CHRM2: variants seen among roughly 807,000 people sequenced by gnomAD.
CHRM2 encodes cholinergic receptor muscarinic 2.
In CHRM2, 8 loss-of-function variants were observed where a neutral mutation model predicts 25.0. That is an observed-to-expected ratio of 0.32 (90% CI 0.19 to 0.58). The LOEUF (loss-of-function observed/expected upper bound fraction) is 0.58. CHRM2 is among the 20% of genes least tolerant of loss of function. CHRM2 has a pLI of 0.88. For synonymous variants in CHRM2, 202 were observed against 205.7 expected (o/e 0.98, Z 0.15); for missense variants, 440 against 567.1 (o/e 0.78, Z 2.28).
At chr7:136,903,346 T>A in intron 2 of CHRM2, 1 of 416,640 alleles carries the variant, frequency 2.4e-6, no homozygotes, top group East Asian at 7.5e-5. Flanking sequence ...TATGTGCAAA[T>A]CTCCTTCAAA....
At chr7:136,903,020 C>A in intron 2 of CHRM2, 1 of 476,440 alleles carries the variant, frequency 2.1e-6, no homozygotes, top group Non-Finnish European at 4.1e-6. Context: ...TTATGGCCAG[C>A]AACTTTAAAC....
rs1330045823 is a variant in CHRM2, at chr7:137,020,084, T to C, written c.*3818T>C. 1 of 151,816 alleles carries C rather than the reference T, an allele frequency of 6.6e-6. No homozygotes were observed. Among genetic ancestry groups the C allele is most frequent in the Non-Finnish European group, 1.5e-5 (1 of 67,894 alleles). The allele number at this position is 151,816 out of a possible 1,614,324, so 9.4% of individuals were successfully genotyped here. ...TATTCAATACCATGCCTCTTAAAAA[T>C]GCTTCTCTTAAAGGGTGCACGCTGT... On this transcript the variant is annotated 3_prime_UTR_variant, in exon 4 of 4. Coordinates refer to ENST00000680005, the MANE Select transcript of CHRM2 (RefSeq NM_001006630.2).
intron 2 of CHRM2, among the ~76,000 whole-genome samples, chr7:136,898,151 T>C (rs1220390479): frequency 2.0e-5 from 3 of 152,144 alleles, no homozygotes; most frequent in East Asian, 1.9e-4. Flanking sequence ...ACAATTAGCA[T>C]TGCAAATTAT....
intron 2 of CHRM2, among the ~76,000 whole-genome samples, chr7:136,939,932 C>G (rs1051999727): frequency 2.0e-5 from 3 of 152,156 alleles, no homozygotes; most frequent in African/African-American, 7.2e-5. Context: ...AGTCTAGGAA[C>G]AGCTTACTAG....
intron 3 of CHRM2, among the ~76,000 whole-genome samples, chr7:137,013,085 T>C (rs1648666348): frequency 6.6e-6 from 1 of 152,026 alleles, no homozygotes; most frequent in African/African-American, 2.4e-5. Flanking sequence ...TCATCTTTCA[T>C]CTTTCCTTTT....
intron 2 of CHRM2, among the ~76,000 whole-genome samples, chr7:136,930,814 G>C (rs1160012544): frequency 6.7e-6 from 1 of 149,080 alleles, no homozygotes; most frequent in East Asian, 2.0e-4. Context: ...GGAGAATGGC[G>C]TGAACCTGGG....
intron 2 of CHRM2, chr7:136,870,253 C>A (rs562848785): frequency 6.6e-6 from 1 of 152,522 alleles, no homozygotes; most frequent in South Asian, 2.1e-4. Context: ...CCCCTCCCCG[C>A]CCGCAATGTC....
chr7:136,945,457 G>A (rs1262787769), intron 2 of CHRM2, among the ~76,000 whole-genome samples: 1 of 152,056 alleles, frequency 6.6e-6, no homozygotes, highest in African/African-American at 2.4e-5. Flanking sequence ...TGGCTTGCCA[G>A]TTATCCCAGC....
chr7:137,005,364 T>G (rs1433695132), intron 3 of CHRM2, among the ~76,000 whole-genome samples: 2 of 152,170 alleles, frequency 1.3e-5, no homozygotes, highest in Non-Finnish European at 2.9e-5. Context: ...TAAGTATAAC[T>G]AAGTGTCCTT....
intron 2 of CHRM2, among the ~76,000 whole-genome samples, chr7:136,920,732 A>G (rs1798382614): frequency 6.6e-6 from 1 of 152,170 alleles, no homozygotes; most frequent in African/African-American, 2.4e-5. Flanking sequence ...TTCTCAAAGC[A>G]TAAGCTCAAA....
At chr7:136,921,290 A>G (rs940707067) in intron 2 of CHRM2, among the ~76,000 whole-genome samples, 12 of 151,998 alleles carry the variant, frequency 7.9e-5, no homozygotes, top group Admixed American at 6.6e-4. Flanking sequence ...AAGTGTCCAC[A>G]CCTATAGTAA....
At chr7:136,911,286 CA>C (rs1797830059) in intron 2 of CHRM2, among the ~76,000 whole-genome samples, 1 of 151,466 alleles carries the variant, frequency 6.6e-6, no homozygotes, top group Admixed American at 6.6e-5. Flanking sequence ...ATCATAGCAC[CA>C]AAAAGAACAA....
chr7:136,886,240 TG>T (rs1201852455), intron 2 of CHRM2, among the ~76,000 whole-genome samples: 20 of 152,230 alleles, frequency 1.3e-4, no homozygotes, highest in Admixed American at 6.5e-4. Context: ...TAGTACCTTG[TG>T]GTAAGGAAGT....
intron 2 of CHRM2, among the ~76,000 whole-genome samples, chr7:136,933,066 T>A (rs1373397917): frequency 6.7e-6 from 1 of 148,992 alleles, no homozygotes; most frequent in African/African-American, 2.6e-5. Context: ...AAATAAATAA[T>A]TTTTTTAAAT....
At chr7:136,923,658 T>C (rs936991694) in intron 2 of CHRM2, among the ~76,000 whole-genome samples, 4 of 152,204 alleles carry the variant, frequency 2.6e-5, no homozygotes, top group South Asian at 4.1e-4. Flanking sequence ...TGTATCCTAA[T>C]GATATTTTCA....
In CHRM2 at chr7:136,969,114, T is replaced by C. The variant is rs545875530; in HGVS notation, c.-124-23073T>C. Among the ~76,000 whole-genome samples, 11 of 152,248 alleles carry C rather than the reference T, an allele frequency of 7.2e-5. No homozygotes were observed. The South Asian group carries it at 1.9e-3, about 26-fold the overall frequency. On this transcript the variant is annotated intron_variant, in intron 2 of 3. Transcript: ENST00000680005. ...AGCAAGGATAGTCATCTTCAATTAC[T>C]TGAGGGGCATTATGTAGAAGTTAAA... is the stretch of plus-strand genomic sequence containing the variant.
intron 3 of CHRM2, among the ~76,000 whole-genome samples, chr7:137,006,276 G>A (rs367861084): frequency 6.6e-6 from 1 of 152,100 alleles, no homozygotes; most frequent in East Asian, 1.9e-4. Context: ...GGCAGGAGTT[G>A]TATATTGTGT....
intron 3 of CHRM2, among the ~76,000 whole-genome samples, chr7:137,004,284 T>C (rs994827740): frequency 6.6e-6 from 1 of 152,086 alleles, no homozygotes; most frequent in African/African-American, 2.4e-5. Flanking sequence ...GCAGAAAAAA[T>C]GTACTGAGGA....
At chr7:136,879,821 T>C (rs552325191) in intron 2 of CHRM2, among the ~76,000 whole-genome samples, 3 of 151,960 alleles carry the variant, frequency 2.0e-5, no homozygotes, top group African/African-American at 4.8e-5. Context: ...AAATTTATCA[T>C]CTAGCATTAG....
Sources: allele counts gnomAD v4.1 joint callset (sites outside exome capture counted in the v4.1 genomes callset), GRCh38; gene constraint gnomAD v4.1.1; transcripts MANE v1.5; gene names NCBI Gene and HGNC (gene_info 2026-07-23, HGNC 2026-07-21).